Variants in PPM1L observed in about 807,000 individuals in gnomAD.
PPM1L encodes the protein protein phosphatase 1L.
A neutral mutation model predicts 31.4 loss-of-function variants in PPM1L; 13 were observed. The observed-to-expected ratio is 0.41, with a 90% CI of 0.27 to 0.66. The LOEUF (loss-of-function observed/expected upper bound fraction) is 0.66, where lower values mean the gene tolerates loss of function less well. Among genes scored for constraint, PPM1L ranks in the 30% least tolerant of loss-of-function variants. PPM1L has a pLI of 0.29. For synonymous variants in PPM1L, 184 were observed against 175.4 expected (o/e 1.05, Z -0.39); for missense variants, 326 against 453.7 (o/e 0.72, Z 2.56).
At chr3:160,781,424 T>C (rs1711744667) in intron 1 of PPM1L, among the ~76,000 whole-genome samples, 1 of 152,202 alleles carries the variant, frequency 6.6e-6, no homozygotes, top group South Asian at 2.1e-4. Context: ...TGAGGTGTTC[T>C]TTGCTTTTAT....
chr3:161,053,651 C>G (rs1169894317), intron 2 of PPM1L, among the ~76,000 whole-genome samples: 2 of 152,142 alleles, frequency 1.3e-5, no homozygotes, highest in Non-Finnish European at 2.9e-5. Context: ...ATTATGACCC[C>G]CACCTCCCTC....
chr3:160,871,939 TC>T (rs201967665), intron 1 of PPM1L, among the ~76,000 whole-genome samples: 326 of 152,282 alleles, frequency 2.1e-3, no homozygotes, highest in African/African-American at 7.8e-3. Context: ...AATTAAAGCA[TC>T]TTTTTTTTAA....
intron 1 of PPM1L, among the ~76,000 whole-genome samples, chr3:160,909,331 T>C (rs1713872839): frequency 6.6e-6 from 1 of 152,102 alleles, no homozygotes. Context: ...GATAATAGAC[T>C]TGGGGGTTTC....
At chr3:161,047,958 A>G (rs1719136794) in intron 2 of PPM1L, among the ~76,000 whole-genome samples, 1 of 152,244 alleles carries the variant, frequency 6.6e-6, no homozygotes, top group Non-Finnish European at 1.5e-5. Context: ...AAAGACTTAA[A>G]TGTTAGACCT....
chr3:160,894,787 T>C (rs1713278196), intron 1 of PPM1L, among the ~76,000 whole-genome samples: 1 of 152,216 alleles, frequency 6.6e-6, no homozygotes, highest in Non-Finnish European at 1.5e-5. Context: ...ATAAAAAGTA[T>C]ACTCAGTAAC....
intron 2 of PPM1L, among the ~76,000 whole-genome samples, chr3:161,023,154 C>T (rs1311361153): frequency 1.4e-5 from 2 of 146,792 alleles, no homozygotes; most frequent in Non-Finnish European, 3.0e-5. Context: ...TTGCTGCTCT[C>T]AAGATTCTCT....
At chr3:160,822,538 G>A (rs1292531040) in intron 1 of PPM1L, among the ~76,000 whole-genome samples, 1 of 151,328 alleles carries the variant, frequency 6.6e-6, no homozygotes, top group Non-Finnish European at 1.5e-5. Context: ...TTGTCTTTAG[G>A]TTCTTTAAAA....
intron 2 of PPM1L, among the ~76,000 whole-genome samples, chr3:161,011,335 G>A (rs967722671): frequency 6.6e-6 from 1 of 152,068 alleles, no homozygotes; most frequent in African/African-American, 2.4e-5. Flanking sequence ...GTAGATGTGT[G>A]GTATTATTTC....
chr3:160,860,244 T>A (rs1006892877), intron 1 of PPM1L, among the ~76,000 whole-genome samples: 13 of 152,190 alleles, frequency 8.5e-5, no homozygotes, highest in Non-Finnish European at 1.8e-4. Flanking sequence ...TTCCTCCAAA[T>A]CATTTTTAAA....
intron 1 of PPM1L, among the ~76,000 whole-genome samples, chr3:160,919,445 T>A (rs73875427): frequency 0.045 from 6,925 of 152,242 alleles, 484 homozygotes; most frequent in African/African-American, 0.15. Context: ...TAATAACCAA[T>A]GGGCATTATA....
intron 1 of PPM1L, among the ~76,000 whole-genome samples, chr3:160,944,767 C>CATATATAACATAT (rs1715276336): frequency 2.1e-5 from 1 of 48,762 alleles, no homozygotes; most frequent in African/African-American, 4.9e-5. Context: ...TTATATATAA[C>CATATATAACATAT]ATGTTATATA....
At chr3:160,768,252 G>A (rs1039398665) in intron 1 of PPM1L, among the ~76,000 whole-genome samples, 5 of 152,108 alleles carry the variant, frequency 3.3e-5, no homozygotes, top group African/African-American at 1.2e-4. Context: ...AGGCTTCACA[G>A]CTACATGAAA....
In PPM1L at chr3:160,965,100, A is replaced by C. The variant is rs185926129; in HGVS notation, c.574+3190A>C. Among the ~76,000 whole-genome samples the C allele has an allele frequency of 5.9e-3, 890 of 151,742 alleles. 10 individuals are homozygous for C. Among genetic ancestry groups the C allele is most frequent in the Non-Finnish European group, 0.011 (719 of 67,890 alleles). On this transcript the variant is annotated intron_variant, in intron 2 of 3. Coordinates refer to ENST00000498165, the MANE Select transcript of PPM1L (RefSeq NM_139245.4). ...CCCCATCTCTACTAAAAATACAAAAAATTAGCCGGGCGTGGTGGTGGGCGC... is the reference window on the plus strand; with the variant it reads ...CCCCATCTCTACTAAAAATACAAAACATTAGCCGGGCGTGGTGGTGGGCGC...
chr3:161,012,742 C>A (rs577683726), intron 2 of PPM1L, among the ~76,000 whole-genome samples: 1 of 152,172 alleles, frequency 6.6e-6, no homozygotes, highest in African/African-American at 2.4e-5. Context: ...CTGGTTTAGT[C>A]TTGGGAGAGT....
chr3:161,001,582 T>G (rs949531075), intron 2 of PPM1L, among the ~76,000 whole-genome samples: 2 of 152,180 alleles, frequency 1.3e-5, no homozygotes, highest in African/African-American at 4.8e-5. Flanking sequence ...CTTTTCTCAA[T>G]GATAGGAAAA....
At chr3:161,047,923 T>A (rs544303339) in intron 2 of PPM1L, among the ~76,000 whole-genome samples, 1 of 152,182 alleles carries the variant, frequency 6.6e-6, no homozygotes, top group Non-Finnish European at 1.5e-5. Flanking sequence ...TTACACCTTA[T>A]ACAAAAATTA....
At chr3:160,973,766 T>TG (rs1166937301) in intron 2 of PPM1L, among the ~76,000 whole-genome samples, 1 of 41,300 alleles carries the variant, frequency 2.4e-5, no homozygotes, top group South Asian at 8.0e-4. Flanking sequence ...AAGGCCCTGT[T>TG]TTTTTTTTTT....
chr3:160,948,191 A>AT (rs1475938365), intron 1 of PPM1L, among the ~76,000 whole-genome samples: 1 of 152,014 alleles, frequency 6.6e-6, no homozygotes, highest in Non-Finnish European at 1.5e-5. Flanking sequence ...AAAAAGATAT[A>AT]TTTTTCTCTG....
chr3:160,843,717 G>A (rs1353315374), intron 1 of PPM1L, among the ~76,000 whole-genome samples: 3 of 151,676 alleles, frequency 2.0e-5, no homozygotes, highest in Admixed American at 2.0e-4. Flanking sequence ...GTGGAAGACA[G>A]TGTGGCGATT....
Sources: allele counts gnomAD v4.1 joint callset (sites outside exome capture counted in the v4.1 genomes callset), GRCh38; gene constraint gnomAD v4.1.1; transcripts MANE v1.5; gene names NCBI Gene and HGNC (gene_info 2026-07-23, HGNC 2026-07-21).